TRPC7: variants seen among roughly 807,000 people sequenced by gnomAD.
TRPC7 encodes short transient receptor potential channel 7.
TRPC7 carries 42 observed loss-of-function variants against 90.1 expected under a neutral mutation model. That is an observed-to-expected ratio of 0.47 (90% CI 0.36 to 0.60). The LOEUF (loss-of-function observed/expected upper bound fraction) is 0.60, where lower values mean the gene tolerates loss of function less well. Among genes scored for constraint, TRPC7 ranks in the 20% least tolerant of loss-of-function variants. The probability of loss-of-function intolerance (pLI) is 0.00; values close to 1 mark genes in which losing one functional copy is unlikely to be tolerated. For missense variants in TRPC7, 955 were observed against 1,112.3 expected (o/e 0.86, Z 2.01); for synonymous variants, 451 against 436.3 (o/e 1.03, Z -0.42).
intron 3 of TRPC7, among the ~76,000 whole-genome samples, chr5:136,313,761 T>G (rs936566960): frequency 6.6e-6 from 1 of 152,174 alleles, no homozygotes; most frequent in African/African-American, 2.4e-5. Flanking sequence ...AGCAGACACT[T>G]GACATTCATG....
At chr5:136,313,746 A>G (rs1758918696) in intron 3 of TRPC7, among the ~76,000 whole-genome samples, 1 of 152,160 alleles carries the variant, frequency 6.6e-6, no homozygotes, top group Admixed American at 6.5e-5. Flanking sequence ...CTACCTATGG[A>G]TTACAGCAGA....
intron 7 of TRPC7, among the ~76,000 whole-genome samples, chr5:136,239,795 C>T (rs1756099997): frequency 6.6e-6 from 1 of 152,242 alleles, no homozygotes; most frequent in Admixed American, 6.5e-5. Context: ...ACATTCCTGT[C>T]TTTCAGAACA....
At chr5:136,274,575 A>G in intron 4 of TRPC7, 98 bp downstream of exon 4, 1 of 1,266,894 alleles carries the variant, frequency 7.9e-7, no homozygotes, top group Non-Finnish European at 1.0e-6. Context: ...TAAATATGGG[A>G]AAAAATCAGC....
chr5:136,301,082 T>A (rs1028014708), intron 3 of TRPC7, among the ~76,000 whole-genome samples: 10 of 152,244 alleles, frequency 6.6e-5, no homozygotes, highest in African/African-American at 2.2e-4. Flanking sequence ...CAGGCTGGAG[T>A]GCAGTGGTAT....
At chr5:136,345,855 C>A (rs1341608291) in intron 2 of TRPC7, among the ~76,000 whole-genome samples, 2 of 152,066 alleles carry the variant, frequency 1.3e-5, no homozygotes, top group Admixed American at 1.3e-4. Context: ...AGTCTTTAAT[C>A]CATCTTGAAT....
At chr5:136,313,377 GTCTA>G (rs79202938) in intron 3 of TRPC7, among the ~76,000 whole-genome samples, 9 of 120,572 alleles carry the variant, frequency 7.5e-5, no homozygotes, top group Non-Finnish European at 1.0e-4. Flanking sequence ...GGAGATGTCT[GTCTA>G]TCTATCTATC....
At chr5:136,325,549 G>A (rs1358585393) in intron 2 of TRPC7, among the ~76,000 whole-genome samples, 2 of 152,084 alleles carry the variant, frequency 1.3e-5, no homozygotes, top group Non-Finnish European at 2.9e-5. Context: ...TATGATATCA[G>A]TAGATCATTA....
At chr5:136,320,925 A>G (rs942408600) in intron 2 of TRPC7, among the ~76,000 whole-genome samples, 1 of 152,042 alleles carries the variant, frequency 6.6e-6, no homozygotes, top group African/African-American at 2.4e-5. Context: ...CTGATGTACT[A>G]TATATTTTAC....
intron 3 of TRPC7, among the ~76,000 whole-genome samples, chr5:136,302,404 G>T (rs763066697): frequency 2.0e-5 from 3 of 152,054 alleles, no homozygotes; most frequent in Non-Finnish European, 4.4e-5. Context: ...CACCCTTAGC[G>T]GCAAGTCCCG....
chr5:136,269,292 G>T (rs1395823830), intron 4 of TRPC7, among the ~76,000 whole-genome samples: 1 of 152,154 alleles, frequency 6.6e-6, no homozygotes, highest in Non-Finnish European at 1.5e-5. Flanking sequence ...ACTATTCTTT[G>T]GCTCTGAGAA....
intron 1 of TRPC7, among the ~76,000 whole-genome samples, chr5:136,357,673 G>C (rs1760436136): frequency 6.6e-6 from 1 of 152,132 alleles, no homozygotes; most frequent in African/African-American, 2.4e-5. Context: ...ATAAGAGATG[G>C]AGGCTGGGGC....
chr5:136,304,772 C>G (rs1758547266), intron 3 of TRPC7, among the ~76,000 whole-genome samples: 2 of 152,148 alleles, frequency 1.3e-5, no homozygotes, highest in Admixed American at 6.5e-5. Flanking sequence ...CACACGTGCT[C>G]TCCCTGCTAA....
At position 136,247,746 on chromosome 5, in the gene TRPC7, A is replaced by G; in HGVS notation, c.1580-11T>C. The stretch of plus-strand genomic sequence containing the variant: ...ACCACTTGTCCCTGGCTAAAAGAAA[A>G]CAATCTGGGTTACTCACGAGGCCAC... On this transcript the variant is annotated splice_polypyrimidine_tract_variant and intron_variant, in intron 6 of 11. Coordinates refer to ENST00000513104, the MANE Select transcript of TRPC7 (RefSeq NM_020389.3). This position sits in a 1 kb window ranked among gnomAD's most constrained non-coding sequence, Gnocchi z 4.2. The G allele has an allele frequency of 6.2e-7, 1 of 1,608,924 alleles. No individual in the cohort carries two copies. Among genetic ancestry groups the G allele is most frequent in the Non-Finnish European group, 8.5e-7 (1 of 1,176,536 alleles).
At chr5:136,300,825 A>G (rs1023552063) in intron 3 of TRPC7, among the ~76,000 whole-genome samples, 1 of 152,194 alleles carries the variant, frequency 6.6e-6, no homozygotes, top group Non-Finnish European at 1.5e-5. Flanking sequence ...CACACCATCT[A>G]TCTATTCACT....
At chr5:136,320,809 C>A (rs1759173630) in intron 2 of TRPC7, among the ~76,000 whole-genome samples, 1 of 152,192 alleles carries the variant, frequency 6.6e-6, no homozygotes, top group Admixed American at 6.5e-5. Context: ...ACATGAACAA[C>A]CCTTAAGCCT....
intron 8 of TRPC7, among the ~76,000 whole-genome samples, chr5:136,231,076 C>G (rs998081557): frequency 6.6e-6 from 1 of 152,134 alleles, no homozygotes; most frequent in African/African-American, 2.4e-5. Flanking sequence ...GGGTCATCTG[C>G]ACGAGGTCCT....
chr5:136,256,870 G>A (rs1007511633), intron 5 of TRPC7, among the ~76,000 whole-genome samples: 1 of 152,190 alleles, frequency 6.6e-6, no homozygotes, highest in Non-Finnish European at 1.5e-5. Context: ...ATTTGCTTGT[G>A]TTTCTTCCTT....
chr5:136,298,857 A>C (rs1004768491), intron 3 of TRPC7, among the ~76,000 whole-genome samples: 12 of 152,124 alleles, frequency 7.9e-5, no homozygotes, highest in African/African-American at 2.9e-4. Flanking sequence ...ACAAATAAAA[A>C]CAAAAAATGA....
At chr5:136,235,824 TAA>T (rs919095587) in intron 7 of TRPC7, among the ~76,000 whole-genome samples, 1 of 152,160 alleles carries the variant, frequency 6.6e-6, no homozygotes, top group African/African-American at 2.4e-5. Flanking sequence ...TAGCTAGTTA[TAA>T]AGTTTGCCAC....
Sources: gnomAD v4.1 joint callset for allele counts (sites outside exome capture counted in the v4.1 genomes callset) on GRCh38, gnomAD v4.1.1 for gene constraint, Gnocchi (gnomAD v3.1) non-coding constraint, MANE v1.5 for transcripts, NCBI Gene and HGNC (gene_info 2026-07-23, HGNC 2026-07-21) for gene names.